Variants in ADAMTS17 observed in about 807,000 individuals in gnomAD.
ADAMTS17 encodes the protein ADAM metallopeptidase with thrombospondin type 1 motif 17, also known as A disintegrin and metalloproteinase with thrombospondin motifs 17.
A neutral mutation model predicts 141.5 loss-of-function variants in ADAMTS17; 113 were observed. The ratio of observed to expected loss-of-function variants is 0.80; its 90% CI spans 0.69 to 0.93. The LOEUF (loss-of-function observed/expected upper bound fraction) is 0.93, where lower values mean the gene tolerates loss of function less well. Among genes scored for constraint, ADAMTS17 ranks in the 40% least tolerant of loss-of-function variants. The probability of loss-of-function intolerance (pLI) is 0.00; values close to 1 mark genes in which losing one functional copy is unlikely to be tolerated. For missense variants in ADAMTS17, 1,659 were observed against 1,517.9 expected, an observed-to-expected ratio of 1.09 and a Z score of -1.54; for synonymous variants, 768 against 630.6, an observed-to-expected ratio of 1.22 and a Z score of -3.27.
intron 8 of ADAMTS17, among the ~76,000 whole-genome samples, chr15:100,180,741 G>A (rs185777580): frequency 2.0e-5 from 3 of 152,144 alleles, no homozygotes; most frequent in Admixed American, 6.5e-5. Context: ...TTACTTCTTT[G>A]GTTAAGTTAA....
intron 18 of ADAMTS17, among the ~76,000 whole-genome samples, chr15:100,023,758 A>G (rs556389694): frequency 1.3e-5 from 2 of 152,302 alleles, no homozygotes; most frequent in Admixed American, 6.5e-5. Context: ...ATGGTTCTCT[A>G]TGAAGAAAAC....
intron 18 of ADAMTS17, among the ~76,000 whole-genome samples, chr15:100,004,102 CG>C (rs1253212350): frequency 6.6e-6 from 1 of 152,244 alleles, no homozygotes; most frequent in Non-Finnish European, 1.5e-5. Flanking sequence ...GTCGCAGAAG[CG>C]AAGTGTTTCT....
chr15:100,178,850 TA>T (rs993495761), intron 8 of ADAMTS17, among the ~76,000 whole-genome samples: 1 of 152,114 alleles, frequency 6.6e-6, no homozygotes, highest in African/African-American at 2.4e-5. Context: ...TTTCAACACT[TA>T]AAAAAAATTT....
intron 7 of ADAMTS17, among the ~76,000 whole-genome samples, chr15:100,211,066 C>T (rs1218959168): frequency 6.6e-6 from 1 of 151,000 alleles, no homozygotes; most frequent in Admixed American, 6.6e-5. Flanking sequence ...CGCCACTGCA[C>T]TCCAGCCTGG....
intron 7 of ADAMTS17, among the ~76,000 whole-genome samples, chr15:100,223,062 G>A (rs945554389): frequency 3.3e-5 from 5 of 152,128 alleles, no homozygotes; most frequent in East Asian, 1.9e-4. Context: ...ATAAAGATGC[G>A]GGTGCAGGAA....
At chr15:100,209,813 T>C (rs2041731574) in intron 7 of ADAMTS17, among the ~76,000 whole-genome samples, 1 of 152,200 alleles carries the variant, frequency 6.6e-6, no homozygotes, top group African/African-American at 2.4e-5. Context: ...GGTATGTCCC[T>C]GTTCCATGCT....
intron 3 of ADAMTS17, among the ~76,000 whole-genome samples, chr15:100,320,148 A>G (rs749937213): frequency 6.6e-6 from 1 of 152,212 alleles, no homozygotes; most frequent in Non-Finnish European, 1.5e-5. Context: ...CGATGACAGG[A>G]AATTCTCTAG....
In ADAMTS17 at chr15:99,976,235, G is replaced by C; in HGVS notation, c.2950-13C>G. The C allele has an allele frequency of 6.5e-7, 1 of 1,541,616 alleles. No individual in the cohort carries two copies. The highest frequency in any genetic ancestry group is 8.7e-7 in the Non-Finnish European group (1 of 1,146,192). On this transcript the variant is annotated splice_polypyrimidine_tract_variant and intron_variant, in intron 20 of 21. Coordinates refer to ENST00000268070, the MANE Select transcript of ADAMTS17 (RefSeq NM_139057.4). ...AGGTCGACGAGCACTGCAGAGACAG[G>C]ACAGCCTGAGTGGGGCTGACATGAG...
At chr15:100,309,146 C>T (rs2045322732) in intron 3 of ADAMTS17, among the ~76,000 whole-genome samples, 1 of 152,160 alleles carries the variant, frequency 6.6e-6, no homozygotes, top group Non-Finnish European at 1.5e-5. Context: ...AGGATTGAGC[C>T]CAGGAGTTCA....
At chr15:100,191,418 C>T (rs187657734) in intron 8 of ADAMTS17, among the ~76,000 whole-genome samples, 1 of 152,318 alleles carries the variant, frequency 6.6e-6, no homozygotes, top group Admixed American at 6.5e-5. Flanking sequence ...CTTTTAATGG[C>T]TTTCTGTTTG....
chr15:100,088,041 G>A (rs1462009987), intron 15 of ADAMTS17, among the ~76,000 whole-genome samples: 6 of 152,346 alleles, frequency 3.9e-5, no homozygotes, highest in African/African-American at 1.4e-4. Context: ...AAAAGAGGAA[G>A]TCAAATTGTC....
chr15:100,108,903 G>T, intron 14 of ADAMTS17, 86 bp downstream of exon 14: 1 of 1,606,064 alleles, frequency 6.2e-7, no homozygotes, highest in Admixed American at 1.7e-5. Flanking sequence ...GGCCTCCTGA[G>T]ACCTCTGCTC....
chr15:100,027,393 C>T (rs2061535405), intron 18 of ADAMTS17, among the ~76,000 whole-genome samples: 1 of 152,046 alleles, frequency 6.6e-6, no homozygotes. Flanking sequence ...CACAATTAAA[C>T]ATCCTAAGAT....
intron 15 of ADAMTS17, among the ~76,000 whole-genome samples, chr15:100,075,935 C>T (rs886712683): frequency 5.9e-5 from 9 of 152,198 alleles, no homozygotes; most frequent in African/African-American, 1.4e-4. Context: ...ACCTCTCCTA[C>T]GTATGTCCTC....
At chr15:100,207,201 C>G (rs2041606980) in intron 7 of ADAMTS17, among the ~76,000 whole-genome samples, 1 of 152,070 alleles carries the variant, frequency 6.6e-6, no homozygotes, top group African/African-American at 2.4e-5. Flanking sequence ...AGGTATTTCT[C>G]CCTCCCTCCC....
At chr15:100,194,816 G>T (rs745810612) in intron 8 of ADAMTS17, among the ~76,000 whole-genome samples, 1 of 152,092 alleles carries the variant, frequency 6.6e-6, no homozygotes, top group East Asian at 1.9e-4. Context: ...TTTCTCTCAA[G>T]GAACTGCCCC....
In ADAMTS17 at chr15:100,206,436, T is replaced by G. The variant is rs77516258; in HGVS notation, c.1076-7013A>C. 6.5e-3 allele frequency among the ~76,000 whole-genome samples: 989 copies of G among 152,312 alleles called. 7 individuals are homozygous for G. Among genetic ancestry groups the G allele is most frequent in the African/African-American group, 0.018 (762 of 41,566 alleles). ...CTACAGCAATGGACCCTGGTGAATT[T>G]TGAAAACTGTAACACACTCACATTC... On this transcript the variant is annotated intron_variant, in intron 7 of 21. Transcript: ENST00000268070.
chr15:99,976,010 GC>G, intron 21 of ADAMTS17, 34 bp downstream of exon 21: 1 of 1,537,442 alleles, frequency 6.5e-7, no homozygotes, highest in Non-Finnish European at 8.8e-7. Context: ...AGACACAGCA[GC>G]CCCCTGGGAA....
chr15:100,281,550 T>C (rs1041729706), intron 3 of ADAMTS17, 149 bp from the exon 4 acceptor site: 9 of 1,076,834 alleles, frequency 8.4e-6, no homozygotes, highest in African/African-American at 7.9e-5. Context: ...TCCACCGTCA[T>C]GTGGGTGCCC....
Sources: gnomAD v4.1 joint callset for allele counts (sites outside exome capture counted in the v4.1 genomes callset) on GRCh38, gnomAD v4.1.1 for gene constraint, MANE v1.5 for transcripts, NCBI Gene and HGNC (gene_info 2026-07-23, HGNC 2026-07-21) for gene names.